ZC3H13: variants seen among roughly 807,000 people sequenced by gnomAD.
ZC3H13 encodes the protein zinc finger CCCH domain-containing protein 13.
Under a neutral mutation model 204.1 loss-of-function variants are expected in ZC3H13, and 64 were observed. The observed-to-expected ratio is 0.31, with a 90% CI of 0.26 to 0.39. ZC3H13 has a LOEUF of 0.39. Ranked by LOEUF, ZC3H13 falls within the 10% of genes least tolerant of loss-of-function variation. The pLI is 1.00. For missense variants in ZC3H13, 1,833 were observed against 2,082.7 expected (o/e 0.88, Z 2.33); for synonymous variants, 667 against 693.7 (o/e 0.96, Z 0.60).
rs2043638789 is a variant in ZC3H13 at position 46,042,274 on chromosome 13, A to C, written c.229T>G (p.Ser77Ala). 1 of 1,607,628 alleles carries C rather than the reference A, an allele frequency of 6.2e-7. No individual in the cohort carries two copies. Among genetic ancestry groups the C allele is most frequent in the Non-Finnish European group, 8.5e-7 (1 of 1,176,086 alleles). ...GKGYSSNYRR[S>A]PERPTGDLRE... Reference sequence around the variant, plus strand: ...AGATCCCCTGTAGGTCTTTCTGGTGACCTTTGAACCAAAACACAGAAACAA... The same window carrying C: ...AGATCCCCTGTAGGTCTTTCTGGTGCCCTTTGAACCAAAACACAGAAACAA... Residue 77 changes from serine (S) to alanine (A), a missense_variant and splice_region_variant, in exon 4 of 19, where the codon TCA becomes GCA. This residue lies in a region of ZC3H13 where 1,574 missense variants were observed against 1,757.2 expected (regional missense o/e 0.90). Transcript: ENST00000679008.
At chr13:45,991,214 C>A (rs1326244211) in intron 8 of ZC3H13, among the ~76,000 whole-genome samples, 1 of 152,118 alleles carries the variant, frequency 6.6e-6, no homozygotes, top group Non-Finnish European at 1.5e-5. Context: ...AGAATGTCTA[C>A]AATAGCCTTG....
chr13:46,016,238 G>C (rs2041901394), intron 5 of ZC3H13, among the ~76,000 whole-genome samples: 1 of 152,178 alleles, frequency 6.6e-6, no homozygotes, highest in African/African-American at 2.4e-5. Flanking sequence ...AAGAGAAATT[G>C]ATATGTGTCT....
chr13:45,957,908 T>C (rs1367566058), intron 18 of ZC3H13, among the ~76,000 whole-genome samples: 1 of 152,240 alleles, frequency 6.6e-6, no homozygotes, highest in Non-Finnish European at 1.5e-5. Flanking sequence ...TATACTAAAA[T>C]ATGTATCTAT....
chr13:45,995,248 T>C (rs1328022860), intron 8 of ZC3H13, among the ~76,000 whole-genome samples: 1 of 152,174 alleles, frequency 6.6e-6, no homozygotes. Context: ...AGAACAGCCT[T>C]CCTCAAGTCT....
At chr13:46,007,987 G>C (rs1353402132) in intron 7 of ZC3H13, among the ~76,000 whole-genome samples, 1 of 151,824 alleles carries the variant, frequency 6.6e-6, no homozygotes, top group African/African-American at 2.4e-5. Flanking sequence ...TCATATATCA[G>C]GACAAATCTT....
At chr13:46,000,973 A>G (rs1358320774) in intron 8 of ZC3H13, among the ~76,000 whole-genome samples, 1 of 152,230 alleles carries the variant, frequency 6.6e-6, no homozygotes, top group Non-Finnish European at 1.5e-5. Flanking sequence ...CTAGCCAGTC[A>G]GTAGGGCAGT....
At chr13:45,973,308 C>T (rs1028178966) in intron 12 of ZC3H13, among the ~76,000 whole-genome samples, 1 of 152,156 alleles carries the variant, frequency 6.6e-6, no homozygotes, top group Non-Finnish European at 1.5e-5. Flanking sequence ...ATAAATTGAA[C>T]TACTGAGATG....
In ZC3H13 at chr13:46,004,598, A is replaced by G. The variant is rs1010583834; in HGVS notation, c.747-1262T>C. On this transcript the variant is annotated intron_variant, in intron 7 of 18. Coordinates refer to ENST00000679008, the MANE Select transcript of ZC3H13 (RefSeq NM_001330564.2). ...GTAATCATTTTTATTGACTGTATAG[A>G]ATTTCCCTGAATAGATGCTCCAAAA... Among the ~76,000 whole-genome samples, 2 of 152,160 alleles carry G rather than the reference A, an allele frequency of 1.3e-5. 1 individual carries two copies. Among genetic ancestry groups the G allele is most frequent in the South Asian group, 4.1e-4 (2 of 4,832 alleles).
chr13:45,969,851 C>A lies in ZC3H13; in HGVS notation c.2693G>T (p.Arg898Met). 1 of 1,613,906 alleles carries A rather than the reference C, an allele frequency of 6.2e-7. No homozygotes were observed. Among genetic ancestry groups the A allele is most frequent in the Non-Finnish European group, 8.5e-7 (1 of 1,180,004 alleles). ...TTCGTAGCGCCTTGAACTCTCTTTC[C>A]TTTCTGGTTTACGATCCTCCTCTTT... The part of the protein sequence containing the change: ...RWKEEDRKPE[R>M]KESSRRYEEQ... Residue 898 changes from arginine to methionine, a missense_variant, in exon 14 of 19, where the codon AGG becomes ATG. Arg to Met is a moderately conservative substitution (Grantham distance 91). This residue lies in a region of ZC3H13 where 1,574 missense variants were observed against 1,757.2 expected (regional missense o/e 0.90). Coordinates refer to ENST00000679008, the MANE Select transcript of ZC3H13 (RefSeq NM_001330564.2).
intron 12 of ZC3H13, among the ~76,000 whole-genome samples, chr13:45,974,218 C>CT (rs969734078): frequency 1.3e-5 from 2 of 152,202 alleles, no homozygotes; most frequent in Non-Finnish European, 2.9e-5. Flanking sequence ...ATTGACCAAT[C>CT]TGAGTCTAGA....
At chr13:46,020,809 A>T (rs2042176387) in intron 4 of ZC3H13, among the ~76,000 whole-genome samples, 1 of 152,112 alleles carries the variant, frequency 6.6e-6, no homozygotes, top group Non-Finnish European at 1.5e-5. Context: ...TGTAGACTAT[A>T]CTACATCTAT....
chr13:45,980,098 T>A, intron 10 of ZC3H13, 94 bp from the exon 11 acceptor site: 2 of 1,060,124 alleles, frequency 1.9e-6, no homozygotes, highest in Non-Finnish European at 2.6e-6. Flanking sequence ...ATCACTAATA[T>A]ATATATTTAA....
intron 8 of ZC3H13, among the ~76,000 whole-genome samples, chr13:46,002,758 G>A (rs1377002837): frequency 6.6e-6 from 1 of 152,130 alleles, no homozygotes. Context: ...GTTAACAGGA[G>A]CTGGGAAAAG....
In ZC3H13 at chr13:45,983,413, ATTT is replaced by A. The variant is rs1555277661; in HGVS notation, c.1720+1881_1720+1883del. Among the ~76,000 whole-genome samples the A allele has an allele frequency of 1.6e-3, 49 of 31,126 alleles. 1 individual carries two copies. The highest frequency in any genetic ancestry group is 5.4e-4 in the Admixed American group (1 of 1,866). 20.4% of individuals were successfully genotyped at this position (31,126 alleles called of 152,430 possible). On this transcript the variant is annotated intron_variant, in intron 10 of 18. Coordinates refer to ENST00000679008, the MANE Select transcript of ZC3H13 (RefSeq NM_001330564.2). ...AAGCCCCTTCTACTTATATATATAT[ATTT>A]TTTTTTTTTTTTTTTTTTTTTTTTT...
chr13:46,006,393 A>C (rs2041153774), intron 7 of ZC3H13, among the ~76,000 whole-genome samples: 1 of 151,830 alleles, frequency 6.6e-6, no homozygotes, highest in African/African-American at 2.4e-5. Flanking sequence ...ATAGTTGTTC[A>C]CAGTTTTTTT....
At chr13:46,052,179 GTC>G (rs1352514805) in intron 1 of ZC3H13, among the ~76,000 whole-genome samples, 1 of 152,050 alleles carries the variant, frequency 6.6e-6, no homozygotes, top group Non-Finnish European at 1.5e-5. Flanking sequence ...ACAGCCTATT[GTC>G]TGAGTCTACT....
chr13:46,028,255 G>A (rs1438217905), intron 4 of ZC3H13, among the ~76,000 whole-genome samples: 1 of 152,140 alleles, frequency 6.6e-6, no homozygotes, highest in African/African-American at 2.4e-5. Context: ...TAATGATACA[G>A]ACGTCCAGTC....
intron 9 of ZC3H13, among the ~76,000 whole-genome samples, chr13:45,987,823 C>T (rs2039656763): frequency 6.6e-6 from 1 of 152,116 alleles, no homozygotes; most frequent in Non-Finnish European, 1.5e-5. Context: ...AGAAAACAGA[C>T]TTATTAAGTT....
chr13:46,003,001 G>A, intron 8 of ZC3H13, 138 bp downstream of exon 8: 1 of 656,526 alleles, frequency 1.5e-6, no homozygotes, highest in East Asian at 3.1e-5. Flanking sequence ...ATTATTATGG[G>A]AATTATTAAA....
Sources: gnomAD v4.1 joint callset for allele counts (sites outside exome capture counted in the v4.1 genomes callset) on GRCh38, gnomAD v4.1.1 for gene constraint, gnomAD v4.1.1 regional missense constraint, MANE v1.5 for transcripts, NCBI Gene and HGNC (gene_info 2026-07-23, HGNC 2026-07-21) for gene names.